ATP11A: variants seen among roughly 807,000 people sequenced by gnomAD.
ATP11A encodes phospholipid-transporting ATPase IH.
ATP11A carries 81 observed loss-of-function variants against 154.4 expected under a neutral mutation model. The observed-to-expected ratio is 0.52, with a 90% CI of 0.44 to 0.63. The LOEUF (loss-of-function observed/expected upper bound fraction) is 0.63, where lower values mean the gene tolerates loss of function less well. Among genes scored for constraint, ATP11A ranks in the 30% least tolerant of loss-of-function variants. ATP11A has a pLI of 0.00. For synonymous variants in ATP11A, 623 were observed against 585.9 expected, an observed-to-expected ratio of 1.06 and a Z score of -0.91; for missense variants, 1,316 against 1,474.3, an observed-to-expected ratio of 0.89 and a Z score of 1.76.
intron 27 of ATP11A, 29 bp downstream of exon 27, chr13:112,873,705 T>A: frequency 6.4e-7 from 1 of 1,561,310 alleles, no homozygotes; most frequent in Non-Finnish European, 8.8e-7. Flanking sequence ...GCTGATAATC[T>A]GATAAATATC....
In ATP11A at chr13:112,860,261, C is replaced by T. The variant is rs200060490; in HGVS notation, c.2728-26C>T. The T allele has an allele frequency of 4.4e-6, 7 of 1,603,010 alleles. No individual in the cohort carries two copies. In the East Asian group the frequency reaches 1.3e-4, roughly 31 times the overall value. On this transcript the variant is annotated intron_variant, in intron 23 of 29. Transcript: ENST00000375645. ...AGTTTGTAACAATGCACTGAGGTGC[C>T]ACTTCTTGTGACTTTCCTCTTACAG...
At chr13:112,828,121 G>A (rs28642767) in intron 12 of ATP11A, among the ~76,000 whole-genome samples, 6,690 of 28,572 alleles carry the variant, frequency 0.23, 483 homozygotes, top group African/African-American at 0.33. Context: ...GTGGGGGGAA[G>A]CGCCCAGCAG....
chr13:112,738,142 C>G (rs557069966), intron 1 of ATP11A, among the ~76,000 whole-genome samples: 2 of 152,232 alleles, frequency 1.3e-5, no homozygotes, highest in East Asian at 3.9e-4. Context: ...GAGGCTGAGG[C>G]AGGCAGATCA....
At chr13:112,833,962 G>A (rs1254952470) in intron 14 of ATP11A, among the ~76,000 whole-genome samples, 1 of 152,226 alleles carries the variant, frequency 6.6e-6, no homozygotes, top group Non-Finnish European at 1.5e-5. Flanking sequence ...CCATCCCCCT[G>A]GTGCCGCGAA....
In ATP11A at chr13:112,791,690, G is replaced by A. The variant is rs1199767530; in HGVS notation, c.162+6433G>A. ...TGCAGGCAGTGGCCTCGGTGGCTTC[G>A]CTCCGCCTGGCCCTGCTCCCTGGCT... On this transcript the variant is annotated intron_variant, in intron 2 of 29. Coordinates refer to ENST00000375645, the MANE Select transcript of ATP11A (RefSeq NM_015205.3). Among the ~76,000 whole-genome samples the A allele has an allele frequency of 5.3e-5, 8 of 152,134 alleles. No individual in the cohort carries two copies. In the South Asian group the frequency reaches 8.3e-4, roughly 16 times the overall value.
At chr13:112,808,095 G>A (rs1461152266) in intron 4 of ATP11A, among the ~76,000 whole-genome samples, 2 of 152,004 alleles carry the variant, frequency 1.3e-5, no homozygotes, top group East Asian at 3.9e-4. Context: ...GGCAGCGGCC[G>A]GGGAGCCCGA....
chr13:112,783,728 G>A (rs566301187), intron 1 of ATP11A, among the ~76,000 whole-genome samples: 42 of 152,346 alleles, frequency 2.8e-4, no homozygotes, highest in African/African-American at 9.9e-4. Context: ...GTGGGCTCAG[G>A]GCCATGGCCA....
At position 112,875,508 on chromosome 13, in the gene ATP11A, C is replaced by A. The variant is rs1224571145; in HGVS notation, c.3162-268C>A. Among the ~76,000 whole-genome samples the A allele has an allele frequency of 7.3e-6, 1 of 136,132 alleles. No individual in the cohort carries two copies. The highest frequency in any genetic ancestry group is 2.8e-5 in the African/African-American group (1 of 36,244). 89.3% of individuals were successfully genotyped at this position (136,132 alleles called of 152,430 possible). ...TTGTTTTTTGTTTTTTTTTTTTTTG[C>A]TTCTGTGAAACTGAACTTCAGAGAC... On this transcript the variant is annotated intron_variant, in intron 27 of 29. Transcript: ENST00000375645. The surrounding 1 kb of genome is among the most constrained non-coding windows in gnomAD (Gnocchi z 4.1).
chr13:112,810,744 C>T lies in ATP11A; in HGVS notation c.441+18C>T, dbSNP rs1471733288. On this transcript the variant is annotated intron_variant, in intron 5 of 29. Transcript: ENST00000375645. ...AGCTGCGAGTAAGTGACACCCGACA[C>T]ATTTACGCTGGTGAAGTCCAGTAAC... is the stretch of plus-strand genomic sequence containing the variant. 6.2e-7 allele frequency: 1 copy of T among 1,605,948 alleles called. No individual in the cohort carries two copies. The highest frequency in any genetic ancestry group is 8.5e-7 in the Non-Finnish European group (1 of 1,172,608).
rs1336966393 is a variant in ATP11A at position 112,786,112 on chromosome 13, AC to A, written c.162+856del. On this transcript the variant is annotated intron_variant, in intron 2 of 29. Coordinates refer to ENST00000375645, the MANE Select transcript of ATP11A (RefSeq NM_015205.3). ...CCTTCAAAATGGATGAGCTAAACCCACGCACACGCGTGGACGGGCTGCACAT... is the reference window on the plus strand; with the variant it reads ...CCTTCAAAATGGATGAGCTAAACCCAGCACACGCGTGGACGGGCTGCACAT... Among the ~76,000 whole-genome samples, 31 of 65,928 alleles carry A rather than the reference AC, an allele frequency of 4.7e-4. 3 individuals are homozygous for A. The highest frequency in any genetic ancestry group is 0.015 in the Middle Eastern group (1 of 66). The allele number at this position is 65,928 out of a possible 152,430, so 43.3% of individuals were successfully genotyped here.
rs1885955763 is a variant in ATP11A, at chr13:112,697,142, TC to T, written c.39+6689del. Among the ~76,000 whole-genome samples the T allele has an allele frequency of 6.6e-6, 1 of 152,136 alleles. No homozygotes were observed. The highest frequency in any genetic ancestry group is 2.1e-4 in the South Asian group (1 of 4,824). On this transcript the variant is annotated intron_variant, in intron 1 of 29. Coordinates refer to ENST00000375645, the MANE Select transcript of ATP11A (RefSeq NM_015205.3). The surrounding 1 kb of genome is among the most constrained non-coding windows in gnomAD (Gnocchi z 4.0). Reference sequence around the variant, plus strand: ...GCAGCCTCTGGGAGCCCTGGGGCCTTCCGTGGGCTGCTTCCTGTGGCGTCCT... The same window carrying T: ...GCAGCCTCTGGGAGCCCTGGGGCCTTCGTGGGCTGCTTCCTGTGGCGTCCT...
intron 20 of ATP11A, chr13:112,856,835 C>T (rs992671589): frequency 2.6e-5 from 4 of 152,342 alleles, no homozygotes; most frequent in South Asian, 2.1e-4. Flanking sequence ...GCGTCTCACA[C>T]AAACTCTGGA....
intron 13 of ATP11A, among the ~76,000 whole-genome samples, chr13:112,832,264 G>A (rs770625157): frequency 7.2e-5 from 11 of 152,344 alleles, no homozygotes; most frequent in Admixed American, 1.3e-4. Context: ...GCAGCCTCGG[G>A]GATCAGGTCC....
intron 1 of ATP11A, among the ~76,000 whole-genome samples, chr13:112,777,758 C>A (rs547844320): frequency 6.6e-6 from 1 of 152,288 alleles, no homozygotes; most frequent in East Asian, 1.9e-4. Flanking sequence ...GGATGCTGTG[C>A]GGTGCCAGGT....
chr13:112,759,034 T>C (rs1467646449), intron 1 of ATP11A, among the ~76,000 whole-genome samples: 3 of 152,240 alleles, frequency 2.0e-5, no homozygotes, highest in Admixed American at 6.5e-5. Flanking sequence ...GTCACTTCCG[T>C]GGGTAAACAT....
intron 2 of ATP11A, among the ~76,000 whole-genome samples, chr13:112,799,937 A>G (rs1171917990): frequency 2.0e-5 from 3 of 152,234 alleles, no homozygotes; most frequent in African/African-American, 7.2e-5. Flanking sequence ...AACACTACTA[A>G]ATAACACATG....
chr13:112,810,802 G>C (rs1023696670), intron 5 of ATP11A, 76 bp downstream of exon 5: 1 of 1,296,342 alleles, frequency 7.7e-7, no homozygotes, highest in African/African-American at 1.5e-5. Context: ...CAGGTGCAGT[G>C]GCTCGCGCCT....
intron 2 of ATP11A, among the ~76,000 whole-genome samples, chr13:112,796,773 C>T (rs368346891): frequency 2.0e-5 from 3 of 152,152 alleles, no homozygotes; most frequent in African/African-American, 4.8e-5. Context: ...TCAAAGGACC[C>T]GTGACCTTGA....
In ATP11A at chr13:112,856,073, G is replaced by A. The variant is rs1202933300; in HGVS notation, c.2406G>A (p.Leu802=). 1.9e-6 allele frequency: 3 copies of A among 1,612,840 alleles called. No individual in the cohort carries two copies. Among genetic ancestry groups the A allele is most frequent in the Admixed American group, 1.7e-5 (1 of 59,936 alleles). The change falls in exon 20 of 30, where the codon TTG becomes TTA. Residue 802 remains leucine (L), a synonymous_variant. Coordinates refer to ENST00000375645, the MANE Select transcript of ATP11A (RefSeq NM_015205.3). ...TGCTCTGCTGCCGCATGGCGCCCTTGCAGAAGGCTCAGGTGCTGCCCGCCC... is the reference window on the plus strand; with the variant it reads ...TGCTCTGCTGCCGCATGGCGCCCTTACAGAAGGCTCAGGTGCTGCCCGCCC... ...SAVLCCRMAP[L]QKAQIVKLIK...
Sources: allele counts gnomAD v4.1 joint callset (sites outside exome capture counted in the v4.1 genomes callset), GRCh38; gene constraint gnomAD v4.1.1; non-coding constraint Gnocchi (gnomAD v3.1); transcripts MANE v1.5; gene names NCBI Gene and HGNC (gene_info 2026-07-23, HGNC 2026-07-21).